The following ZNF302 variants were observed in gnomAD, a reference collection of about 807,000 sequenced individuals.
ZNF302 encodes the protein zinc finger protein 327.
Under a neutral mutation model 10.8 loss-of-function variants are expected in ZNF302, and 12 were observed. The observed-to-expected ratio is 1.11, with a 90% CI of 0.71 to 1.79. ZNF302 has a LOEUF of 1.79. Among genes scored for constraint, ZNF302 ranks in the 40% most tolerant of loss-of-function variants. The probability of loss-of-function intolerance (pLI) is 0.00; values close to 1 mark genes in which losing one functional copy is unlikely to be tolerated. For missense variants in ZNF302, 461 were observed against 471.1 expected, an observed-to-expected ratio of 0.98 and a Z score of 0.20; for synonymous variants, 178 against 157.5, an observed-to-expected ratio of 1.13 and a Z score of -0.98.
chr19:34,680,843 T>C (rs2068305433), intron 2 of ZNF302, among the ~76,000 whole-genome samples: 1 of 152,260 alleles, frequency 6.6e-6, no homozygotes, highest in Admixed American at 6.5e-5. Flanking sequence ...GGATAAGTTA[T>C]TGTTTATTTG....
Position 34,684,536 on chromosome 19 carries a change from A to C in ZNF302, c.499A>C (p.Ile167Leu). The change falls in exon 5 of 5, where the codon ATA (isoleucine) becomes CTA (leucine). Residue 167 changes from isoleucine to leucine, a missense_variant. Physicochemically the swap from Ile to Leu is conservative, Grantham distance 5. Coordinates refer to ENST00000505242, the MANE Select transcript of ZNF302 (RefSeq NM_001289187.2). ...SKKSVIKSER[I>L]NGGKKLLNSN... is the part of the protein sequence containing the mutation. ...AAAGTCAGTTATAAAAAGTGAGAGA[A>C]TAAATGGTGGAAAGAAACTTTTAAA... The C allele has an allele frequency of 6.2e-7, 1 of 1,613,478 alleles. No individual in the cohort carries two copies. The highest frequency in any genetic ancestry group is 8.5e-7 in the Non-Finnish European group (1 of 1,179,600).
chr19:34,679,084 A>C (rs567868216), intron 2 of ZNF302, among the ~76,000 whole-genome samples: 7 of 152,350 alleles, frequency 4.6e-5, no homozygotes, highest in African/African-American at 1.7e-4. Context: ...TTTGGAATGT[A>C]AGGTTATTCG....
intron 3 of ZNF302, 56 bp from the exon 4 acceptor site, chr19:34,683,099 G>T: frequency 1.9e-6 from 3 of 1,602,854 alleles, no homozygotes; most frequent in East Asian, 2.2e-5. Flanking sequence ...TCTTGTGATG[G>T]CCTCTCATAA....
Position 34,685,818 on chromosome 19 carries a change from C to T in ZNF302, c.*581C>T. The T allele has an allele frequency of 2.5e-6, 1 of 400,712 alleles. No homozygotes were observed. The highest frequency in any genetic ancestry group is 4.5e-6 in the Non-Finnish European group (1 of 222,102). 24.8% of individuals were successfully genotyped at this position (400,712 alleles called of 1,614,324 possible). A position where few individuals can be genotyped will look rare whatever the true frequency, so the allele number is the denominator to read the frequency against. ...TATGAAGTCAATAAATGTGGGAAAGCCTTTGTCAGTATTAATCCCTTAATT... is the reference window on the plus strand; with the variant it reads ...TATGAAGTCAATAAATGTGGGAAAGTCTTTGTCAGTATTAATCCCTTAATT... On this transcript the variant is annotated 3_prime_UTR_variant, in exon 5 of 5. Transcript: ENST00000505242.
At chr19:34,684,149 T>C (rs2068507772) in intron 4 of ZNF302, 103 bp from the exon 5 acceptor site, 1 of 1,271,710 alleles carries the variant, frequency 7.9e-7, no homozygotes, top group East Asian at 3.7e-5. Context: ...CTAATTCCAC[T>C]GTAGAAGCTT....
rs185445917 is a variant in ZNF302 at position 34,679,529 on chromosome 19, C to T, written c.9+716C>T. Among the ~76,000 whole-genome samples the T allele has an allele frequency of 1.9e-3, 296 of 152,346 alleles. 1 individual carries two copies. Among genetic ancestry groups the T allele is most frequent in the African/African-American group, 6.5e-3 (271 of 41,572 alleles). ...CCTCCTCATTCCTGTGCGCTCCAGC[C>T]TCTGTCACCAGTTGCTGTGCCATCC... is the stretch of plus-strand genomic sequence containing the variant. On this transcript the variant is annotated intron_variant, in intron 2 of 4. Transcript: ENST00000505242.
In ZNF302 at chr19:34,683,284, T is replaced by G. The variant is rs764417116; in HGVS notation, c.214+46T>G. 1.2e-5 allele frequency: 19 copies of G among 1,610,734 alleles called. No individual in the cohort carries two copies. In the South Asian group the frequency reaches 1.6e-4, roughly 14 times the overall value. On this transcript the variant is annotated intron_variant, in intron 4 of 4. Transcript: ENST00000505242. ...TGGTGAACGAGACAAAGGAAGATTT[T>G]GTTAAAGATGTTTATAGTGAGTGTG...
chr19:34,684,048 G>T, intron 4 of ZNF302: 1 of 1,513,102 alleles, frequency 6.6e-7, no homozygotes, highest in South Asian at 1.3e-5. Flanking sequence ...TGGATTCTCT[G>T]CTCTATTTGA....
intron 2 of ZNF302, chr19:34,680,107 GTGT>G: frequency 1.6e-6 from 1 of 620,818 alleles, no homozygotes; most frequent in Non-Finnish European, 2.9e-6. Context: ...GAGCCCTCTG[GTGT>G]AAGCCTGTAG....
upstream of ZNF302, chr19:34,675,987 A>G (rs1307320741): frequency 6.6e-6 from 1 of 152,210 alleles, no homozygotes; most frequent in Non-Finnish European, 1.5e-5. Context: ...AGACCCAAAG[A>G]GCAAAAGAAC....
chr19:34,684,200 A>AGGG, intron 4 of ZNF302, 52 bp from the exon 5 acceptor site: 1 of 1,258,610 alleles, frequency 7.9e-7, no homozygotes, highest in Non-Finnish European at 1.0e-6. Flanking sequence ...AAAAAAAAAA[A>AGGG]AAAAAAAAAA....
chr19:34,684,473 T>A lies in ZNF302; in HGVS notation c.436T>A (p.Ser146Thr). 1 of 1,612,982 alleles carries A rather than the reference T, an allele frequency of 6.2e-7. No homozygotes were observed. The highest frequency in any genetic ancestry group is 8.5e-7 in the Non-Finnish European group (1 of 1,179,288). ...EPQNNSAEGN[S>T]HKYDILKKNL... is the part of the protein sequence containing the mutation. ...ACAAAACAATTCTGCTGAAGGGAAT[T>A]CACACAAATATGATATATTAAAGAA... The change falls in exon 5 of 5, where the codon TCA becomes ACA. Residue 146 changes from serine (S) to threonine (T), a missense_variant. Transcript: ENST00000505242.
chr19:34,682,616 A>G, intron 2 of ZNF302, 161 bp from the exon 3 acceptor site: 9 of 1,020,162 alleles, frequency 8.8e-6, no homozygotes, highest in Non-Finnish European at 1.3e-5. Context: ...TTCCAACTAC[A>G]TAACTGTCCT....
rs2068613525 is a variant in ZNF302 at position 34,685,490 on chromosome 19, G to A, written c.*253G>A. ...TGGAGAAAAGCCATATAAATGTAGT[G>A]AGTGTGGGAAAGCTTTTAGCAAAGG... On this transcript the variant is annotated 3_prime_UTR_variant, in exon 5 of 5. Coordinates refer to ENST00000505242, the MANE Select transcript of ZNF302 (RefSeq NM_001289187.2). The A allele has an allele frequency of 6.3e-7, 1 of 1,586,208 alleles. No homozygotes were observed. Among genetic ancestry groups the A allele is most frequent in the African/African-American group, 1.3e-5 (1 of 74,424 alleles).
Position 34,685,085 on chromosome 19 carries a change from T to C in ZNF302, c.1048T>C (p.Phe350Leu), listed in dbSNP as rs2068592372. 5.6e-6 allele frequency: 9 copies of C among 1,613,180 alleles called. No individual in the cohort carries two copies. The East Asian group carries it at 2.0e-4, about 36-fold the overall frequency. ...TGAATGTAGAGAATGTGGGAAAGCT[T>C]TCTGCTGTAGCTCACACCTTACTCA... is the stretch of plus-strand genomic sequence containing the variant. ...PYECRECGKA[F>L]CCSSHLTQHQ... is the part of the protein sequence containing the mutation. Residue 350 changes from phenylalanine to leucine, a missense_variant, in exon 5 of 5, where the codon TTC becomes CTC. By Grantham distance (22) the Phe-to-Leu change is conservative. Coordinates refer to ENST00000505242, the MANE Select transcript of ZNF302 (RefSeq NM_001289187.2).
At chr19:34,680,105 T>C (rs982035573) in intron 2 of ZNF302, 3 of 623,994 alleles carry the variant, frequency 4.8e-6, no homozygotes, top group Non-Finnish European at 8.6e-6. Flanking sequence ...TTGAGCCCTC[T>C]GGTGTAAGCC....
rs949664640 is a variant in ZNF302 at position 34,678,116 on chromosome 19, G to A, written c.-69+13G>A. The A allele has an allele frequency of 6.6e-6, 1 of 152,204 alleles. No individual in the cohort carries two copies. Among genetic ancestry groups the A allele is most frequent in the Non-Finnish European group, 1.5e-5 (1 of 68,052 alleles). The allele number at this position is 152,204 out of a possible 1,614,324, so 9.4% of individuals were successfully genotyped here. A position where few individuals can be genotyped will look rare whatever the true frequency, so the allele number is the denominator to read the frequency against. On this transcript the variant is annotated intron_variant, in intron 1 of 4. Transcript: ENST00000505242. ...CTTGAACAAATGGGTTCAGTATCTC[G>A]GAATTTCAGTTTTGTCTTCATTTTA...
chr19:34,684,025 C>A, intron 4 of ZNF302: 2 of 1,505,160 alleles, frequency 1.3e-6, no homozygotes, highest in Non-Finnish European at 1.8e-6. Flanking sequence ...TCTGTTCCTG[C>A]TTCTGTGAAC....
intron 2 of ZNF302, chr19:34,682,358 A>T (rs1002276664): frequency 5.1e-5 from 8 of 155,822 alleles, no homozygotes; most frequent in African/African-American, 1.9e-4. Flanking sequence ...GATTTAGTGA[A>T]TCTTTCTGAG....
Sources: gnomAD v4.1 joint callset for allele counts (sites outside exome capture counted in the v4.1 genomes callset) on GRCh38, gnomAD v4.1.1 for gene constraint, MANE v1.5 for transcripts, NCBI Gene and HGNC (gene_info 2026-07-23, HGNC 2026-07-21) for gene names.